The following CLTCL1 variants were observed in gnomAD, a reference collection of about 807,000 sequenced individuals.
The protein encoded by CLTCL1 is clathrin heavy chain like 1, also known as clathrin heavy chain 2.
A neutral mutation model predicts 190.0 loss-of-function variants in CLTCL1; 159 were observed. That is an observed-to-expected ratio of 0.84 (90% confidence interval 0.74 to 0.95). The LOEUF (loss-of-function observed/expected upper bound fraction) is 0.95. Ranked by LOEUF, CLTCL1 falls within the 40% of genes least tolerant of loss-of-function variation. The pLI is 0.00. For synonymous variants in CLTCL1, 752 were observed against 769.6 expected (o/e 0.98, Z 0.38); for missense variants, 1,878 against 2,033.4 (o/e 0.92, Z 1.47).
At chr22:19,226,478 G>A in intron 11 of CLTCL1, 95 bp from the exon 12 acceptor site, 3 of 1,427,780 alleles carry the variant, frequency 2.1e-6, no homozygotes, top group Non-Finnish European at 2.9e-6. Flanking sequence ...GGTATAGCCT[G>A]GCAACCAGAA....
chr22:19,180,320 C>A (rs1569135813), intron 31 of CLTCL1, 82 bp from the exon 32 acceptor site: 1 of 1,413,036 alleles, frequency 7.1e-7, no homozygotes, highest in East Asian at 2.3e-5. Context: ...TGCACACTCA[C>A]ACCACACCCT....
chr22:19,235,075 G>T (rs1290052626), intron 6 of CLTCL1, among the ~76,000 whole-genome samples: 1 of 151,742 alleles, frequency 6.6e-6, no homozygotes, highest in Non-Finnish European at 1.5e-5. Flanking sequence ...TTACTATGTC[G>T]CTCAGGCTGG....
At chr22:19,182,242 G>GCACACCA (rs2084164959) in intron 30 of CLTCL1, 1 of 152,268 alleles carries the variant, frequency 6.6e-6, no homozygotes, top group African/African-American at 2.4e-5. Flanking sequence ...ACCAGACACC[G>GCACACCA]CACACCACAC....
intron 3 of CLTCL1, among the ~76,000 whole-genome samples, chr22:19,244,321 G>C (rs1293545216): frequency 6.6e-6 from 1 of 152,150 alleles, no homozygotes; most frequent in Non-Finnish European, 1.5e-5. Flanking sequence ...AACATGCTAA[G>C]GAAAGAAGCC....
At chr22:19,239,060 T>C (rs1271621915) in intron 5 of CLTCL1, among the ~76,000 whole-genome samples, 2 of 152,208 alleles carry the variant, frequency 1.3e-5, no homozygotes, top group African/African-American at 2.4e-5. Context: ...AACGTCTTCC[T>C]GCTGCCCTAA....
At chr22:19,240,797 T>A (rs1042430392) in intron 4 of CLTCL1, among the ~76,000 whole-genome samples, 1 of 152,124 alleles carries the variant, frequency 6.6e-6, no homozygotes, top group Non-Finnish European at 1.5e-5. Flanking sequence ...TTGACTGCTA[T>A]GGGTTCTTGC....
chr22:19,214,302 C>G lies in CLTCL1; in HGVS notation c.3065+1809G>C, dbSNP rs148142969. 2.9e-3 allele frequency among the ~76,000 whole-genome samples: 445 copies of G among 152,270 alleles called. 2 individuals are homozygous for G. The highest frequency in any genetic ancestry group is 9.5e-3 in the African/African-American group (394 of 41,546). ...GTTCCTGCTGCTCTGGCAGGAGTAA[C>G]AAAGCATCGGATGATGCACTGTGGC... is the stretch of plus-strand genomic sequence containing the variant. On this transcript the variant is annotated intron_variant, in intron 19 of 32. Coordinates refer to ENST00000427926, the MANE Select transcript of CLTCL1 (RefSeq NM_007098.4).
chr22:19,246,472 C>T lies in CLTCL1; in HGVS notation c.520-3536G>A, dbSNP rs543843869. On this transcript the variant is annotated intron_variant, in intron 3 of 32. Transcript: ENST00000427926. ...CAATTTCTCCATAACATTGCCAACA[C>T]TTCTTTTCTTTTCTTTTTTTTGAGA... Among the ~76,000 whole-genome samples, 4 of 151,902 alleles carry T rather than the reference C, an allele frequency of 2.6e-5. 1 individual carries two copies. The South Asian group carries it at 8.3e-4, about 32-fold the overall frequency.
At chr22:19,255,437 C>G (rs1420930944) in intron 2 of CLTCL1, among the ~76,000 whole-genome samples, 3 of 151,958 alleles carry the variant, frequency 2.0e-5, no homozygotes, top group African/African-American at 7.3e-5. Flanking sequence ...GTGGCAGTCA[C>G]CTGTAATTCC....
intron 30 of CLTCL1, 168 bp from the exon 31 acceptor site, chr22:19,180,974 G>C (rs2084117413): frequency 1.4e-5 from 9 of 632,342 alleles, no homozygotes; most frequent in Non-Finnish European, 2.0e-5. Flanking sequence ...TGCACTTTTA[G>C]AATGCAGCAA....
intron 26 of CLTCL1, 41 bp from the exon 27 acceptor site, chr22:19,191,476 T>G: frequency 6.2e-7 from 1 of 1,606,010 alleles, no homozygotes; most frequent in South Asian, 1.1e-5. Context: ...TGCCGCTGTC[T>G]CCAGATACCC....
intron 4 of CLTCL1, among the ~76,000 whole-genome samples, chr22:19,241,941 CTT>C (rs35692303): frequency 3.6e-4 from 50 of 139,016 alleles, no homozygotes; most frequent in Non-Finnish European, 2.8e-4. Context: ...CCTCATCTAC[CTT>C]TTTTTTTTTT....
chr22:19,268,338 T>C (rs547662364), intron 2 of CLTCL1, among the ~76,000 whole-genome samples: 1 of 152,294 alleles, frequency 6.6e-6, no homozygotes. Flanking sequence ...TCTTTATAGA[T>C]TTCCCAGTGT....
chr22:19,180,056 G>A, intron 32 of CLTCL1, 87 bp from the exon 33 acceptor site: 1 of 696,212 alleles, frequency 1.4e-6, no homozygotes, highest in East Asian at 2.7e-5. Context: ...CCGGGGCCCA[G>A]GGAGCAGGGT....
intron 4 of CLTCL1, among the ~76,000 whole-genome samples, chr22:19,240,007 G>C (rs1271690705): frequency 1.3e-4 from 19 of 150,320 alleles, no homozygotes; most frequent in Admixed American, 4.6e-4. Flanking sequence ...GGAGTGCAGT[G>C]GCGCGATCTC....
At chr22:19,223,862 T>C in intron 14 of CLTCL1, 29 bp downstream of exon 14, 1 of 1,612,056 alleles carries the variant, frequency 6.2e-7, no homozygotes, top group Non-Finnish European at 8.5e-7. Context: ...CAAGGGCAGC[T>C]CATGGAAGGA....
At position 19,191,426 on chromosome 22, in the gene CLTCL1, C is replaced by T. The variant is rs781787519; in HGVS notation, c.4201G>A (p.Val1401Ile). ...FKDIITKVANVELCYRALQFY... is the reference protein window; with the variant it reads ...FKDIITKVANIELCYRALQFY... The stretch of plus-strand genomic sequence containing the variant: ...TGCAGGGCTCTGTAACAGAGCTCGA[C>T]GTTGGCAACCTGTGGTGAGCAAAGC... The change falls in exon 27 of 33, where the codon GTC (valine) becomes ATC (isoleucine). Residue 1401 changes from valine (V) to isoleucine (I), a missense_variant. Physicochemically the swap from Val to Ile is conservative, Grantham distance 29 (BLOSUM62 3). Transcript: ENST00000427926. The T allele has an allele frequency of 9.3e-6, 15 of 1,613,390 alleles. No individual in the cohort carries two copies. The highest frequency in any genetic ancestry group is 8.3e-5 in the Admixed American group (5 of 60,006).
At chr22:19,201,548 AG>A in intron 22 of CLTCL1, 55 bp from the exon 23 acceptor site, 1 of 1,560,590 alleles carries the variant, frequency 6.4e-7, no homozygotes, top group South Asian at 1.2e-5. Flanking sequence ...AGATTTCTCC[AG>A]AGTTGCTTTT....
At chr22:19,234,303 G>A (rs1256352845) in intron 7 of CLTCL1, among the ~76,000 whole-genome samples, 8 of 152,218 alleles carry the variant, frequency 5.3e-5, no homozygotes, top group East Asian at 1.9e-4. Context: ...AGTGGGAGGC[G>A]TGAAGAAGTG....
Sources: allele counts gnomAD v4.1 joint callset (sites outside exome capture counted in the v4.1 genomes callset), GRCh38; gene constraint gnomAD v4.1.1; transcripts MANE v1.5; gene names NCBI Gene and HGNC (gene_info 2026-07-23, HGNC 2026-07-21).